COL27A1: variants seen among roughly 807,000 people sequenced by gnomAD.
COL27A1 encodes collagen alpha-1(XXVII) chain.
Under a neutral mutation model 251.3 loss-of-function variants are expected in COL27A1, and 106 were observed. The observed-to-expected ratio is 0.42, with a 90% CI of 0.36 to 0.50. COL27A1 has a LOEUF of 0.50. Ranked by LOEUF, COL27A1 falls within the 20% of genes least tolerant of loss-of-function variation. The pLI is 0.00. For missense variants in COL27A1, 2,325 were observed against 2,522.8 expected, an observed-to-expected ratio of 0.92 and a Z score of 1.68; for synonymous variants, 1,000 against 986.3, an observed-to-expected ratio of 1.01 and a Z score of -0.26.
chr9:114,195,483 C>A (rs541634600), intron 6 of COL27A1, among the ~76,000 whole-genome samples: 1 of 152,126 alleles, frequency 6.6e-6, no homozygotes. Flanking sequence ...AAAATGAGAT[C>A]GGCACCCAGG....
chr9:114,154,709 C>A (rs1314381372), upstream of COL27A1, among the ~76,000 whole-genome samples: 1 of 152,018 alleles, frequency 6.6e-6, no homozygotes, highest in Non-Finnish European at 1.5e-5. This position sits in a 1 kb window ranked among gnomAD's most constrained non-coding sequence, Gnocchi z 5.8. Context: ...AGGAAGGGTG[C>A]GTGGCTGTCC....
chr9:114,219,115 T>A (rs1298189367), intron 12 of COL27A1, among the ~76,000 whole-genome samples: 1 of 152,206 alleles, frequency 6.6e-6, no homozygotes, highest in East Asian at 1.9e-4. Context: ...TTACAGCTGA[T>A]ATTTTTCCAG....
chr9:114,270,849 GT>G (rs1454395640), intron 36 of COL27A1, 68 bp downstream of exon 36: 2 of 1,181,160 alleles, frequency 1.7e-6, no homozygotes. Context: ...CAAGACCTAA[GT>G]CTCCTCCCAG....
chr9:114,157,680 G>A lies in COL27A1; in HGVS notation c.62+1668G>A, dbSNP rs995840706. 6.6e-5 allele frequency among the ~76,000 whole-genome samples: 10 copies of A among 152,216 alleles called. 1 individual carries two copies. Among genetic ancestry groups the A allele is most frequent in the African/African-American group, 2.2e-4 (9 of 41,454 alleles). On this transcript the variant is annotated intron_variant, in intron 1 of 60. Transcript: ENST00000356083. ...GAGTAACATATCCACTGGTGGTAGG[G>A]GACAGCAGTGAGACACTCACAGAAT...
chr9:114,223,642 C>T (rs1039983263), intron 14 of COL27A1, among the ~76,000 whole-genome samples: 59 of 152,298 alleles, frequency 3.9e-4, no homozygotes, highest in African/African-American at 1.3e-3. Flanking sequence ...CAGTCCATTC[C>T]AGTCCAGTGG....
intron 41 of COL27A1, among the ~76,000 whole-genome samples, chr9:114,286,579 T>C (rs1827509270): frequency 6.6e-6 from 1 of 152,138 alleles, no homozygotes; most frequent in African/African-American, 2.4e-5. Context: ...CTCTGGGACT[T>C]GGACAGGGCA....
chr9:114,301,231 G>A, intron 52 of COL27A1, 53 bp from the exon 53 acceptor site: 1 of 1,610,156 alleles, frequency 6.2e-7, no homozygotes, highest in Non-Finnish European at 8.5e-7. Flanking sequence ...TCCTCATCTG[G>A]AAATGGGGCT....
intron 2 of COL27A1, among the ~76,000 whole-genome samples, chr9:114,166,175 C>T (rs976685193): frequency 2.0e-5 from 3 of 150,860 alleles, no homozygotes; most frequent in African/African-American, 7.3e-5. Flanking sequence ...GTTCACCTGC[C>T]CATTTATCCA....
intron 44 of COL27A1, 91 bp from the exon 45 acceptor site, chr9:114,289,151 T>G: frequency 1.7e-5 from 6 of 346,932 alleles, no homozygotes; most frequent in Non-Finnish European, 3.1e-5. Context: ...CCCAAACCCC[T>G]CCCCACCCCT....
chr9:114,278,598 A>G (rs374122120), intron 37 of COL27A1, among the ~76,000 whole-genome samples: 6 of 134,080 alleles, frequency 4.5e-5, no homozygotes, highest in South Asian at 2.5e-4. Flanking sequence ...TGGGGGTGGG[A>G]GTGGTGATGA....
In COL27A1 at chr9:114,243,570, C is replaced by A; in HGVS notation, c.2934+10C>A. The A allele has an allele frequency of 6.2e-7, 1 of 1,609,454 alleles. No individual in the cohort carries two copies. Among genetic ancestry groups the A allele is most frequent in the Non-Finnish European group, 8.5e-7 (1 of 1,176,372 alleles). Reference sequence around the variant, plus strand: ...CCTGGATGGCGTGAAGGTGAGGGGACCTGGAGATCCCTGGGGACAAGAGGA... The same window carrying A: ...CCTGGATGGCGTGAAGGTGAGGGGAACTGGAGATCCCTGGGGACAAGAGGA... On this transcript the variant is annotated intron_variant, in intron 23 of 60. Transcript: ENST00000356083.
chr9:114,194,426 T>C lies in COL27A1; in HGVS notation c.2039T>C (p.Leu680Pro). Residue 680 changes from leucine (L) to proline (P), a missense_variant, in exon 6 of 61, where the codon CTC becomes CCC. Coordinates refer to ENST00000356083, the MANE Select transcript of COL27A1 (RefSeq NM_032888.4). Reference protein sequence around the residue: ...GAKGQKGDPGLSPGKAHDGAK... With the variant: ...GAKGQKGDPGPSPGKAHDGAK... ...CAGGGACAGAAAGGGGACCCAGGGC[T>C]CTCACCAGGAAAGGCCCACGATGGG... 2 of 1,612,810 alleles carry C rather than the reference T, an allele frequency of 1.2e-6. No individual in the cohort carries two copies. Among genetic ancestry groups the C allele is most frequent in the Non-Finnish European group, 1.7e-6 (2 of 1,179,496 alleles).
At chr9:114,227,662 C>T (rs966619528) in intron 14 of COL27A1, among the ~76,000 whole-genome samples, 6 of 150,552 alleles carry the variant, frequency 4.0e-5, no homozygotes, top group African/African-American at 1.5e-4. Flanking sequence ...ACACAGTGGG[C>T]GTTCTTTAAA....
At position 114,205,068 on chromosome 9, in the gene COL27A1, C is replaced by G. The variant is rs779012209; in HGVS notation, c.2125-34C>G. The G allele has an allele frequency of 4.9e-5, 79 of 1,611,736 alleles. 1 individual carries two copies. In the South Asian group the frequency reaches 8.2e-4, roughly 17 times the overall value. On this transcript the variant is annotated intron_variant, in intron 7 of 60. Transcript: ENST00000356083. ...CGATCTCCAGGACCAGATGTGTCCT[C>G]CCTGCCTGATGCAGCTTCTTCCCCC... is the stretch of plus-strand genomic sequence containing the variant.
At chr9:114,227,491 T>C (rs1376786473) in intron 14 of COL27A1, among the ~76,000 whole-genome samples, 1 of 151,926 alleles carries the variant, frequency 6.6e-6, no homozygotes, top group Non-Finnish European at 1.5e-5. Context: ...TTCCCATCTG[T>C]AAAAGGGAGT....
At chr9:114,192,241 C>T (rs1056753926) in intron 5 of COL27A1, among the ~76,000 whole-genome samples, 2 of 152,222 alleles carry the variant, frequency 1.3e-5, no homozygotes, top group Admixed American at 1.3e-4. Flanking sequence ...GCCCTGAAAG[C>T]TTGTTAAGCC....
intron 17 of COL27A1, among the ~76,000 whole-genome samples, chr9:114,236,041 C>T (rs997289384): frequency 7.9e-5 from 12 of 152,058 alleles, no homozygotes; most frequent in South Asian, 6.2e-4. Context: ...TCCTGCTCCC[C>T]GCCTTACAGC....
At chr9:114,269,351 G>C in intron 35 of COL27A1, 57 bp downstream of exon 35, 1 of 1,309,826 alleles carries the variant, frequency 7.6e-7, no homozygotes, top group East Asian at 2.4e-5. Flanking sequence ...GGTGCCGCAG[G>C]GGAAGAGACC....
At chr9:114,308,523 C>G (rs1263116539) in intron 59 of COL27A1, among the ~76,000 whole-genome samples, 1 of 152,182 alleles carries the variant, frequency 6.6e-6, no homozygotes, top group Non-Finnish European at 1.5e-5. Context: ...ATGTGCCAGG[C>G]CCTGAGCCAG....
Sources: allele counts gnomAD v4.1 joint callset (sites outside exome capture counted in the v4.1 genomes callset), GRCh38; gene constraint gnomAD v4.1.1; non-coding constraint Gnocchi (gnomAD v3.1); transcripts MANE v1.5; gene names NCBI Gene and HGNC (gene_info 2026-07-23, HGNC 2026-07-21).